The following ZBTB20 variants were observed in gnomAD, a reference collection of about 807,000 sequenced individuals.
The protein encoded by ZBTB20 is zinc finger and BTB domain-containing protein 20.
A neutral mutation model predicts 56.9 loss-of-function variants in ZBTB20; 9 were observed. The observed-to-expected ratio is 0.16, with a 90% confidence interval of 0.10 to 0.28. The LOEUF is 0.28. Ranked by LOEUF, ZBTB20 falls within the 10% of genes least tolerant of loss-of-function variation. The pLI is 1.00. For synonymous variants in ZBTB20, 417 were observed against 420.7 expected, an observed-to-expected ratio of 0.99 and a Z score of 0.11; for missense variants, 655 against 1,003.0, an observed-to-expected ratio of 0.65 and a Z score of 4.69.
At chr3:114,626,092 G>A (rs957499571) in intron 6 of ZBTB20, among the ~76,000 whole-genome samples, 3 of 152,102 alleles carry the variant, frequency 2.0e-5, no homozygotes, top group African/African-American at 7.2e-5. Context: ...AACAGACTTC[G>A]GGAACACGAG....
At chr3:114,819,719 T>G (rs537336952) in intron 4 of ZBTB20, among the ~76,000 whole-genome samples, 1 of 151,886 alleles carries the variant, frequency 6.6e-6, no homozygotes, top group Non-Finnish European at 1.5e-5. Context: ...GAATATTTAC[T>G]AAATTTCAAG....
intron 3 of ZBTB20, among the ~76,000 whole-genome samples, chr3:114,937,076 G>GT (rs1291580009): frequency 6.6e-6 from 1 of 152,152 alleles, no homozygotes; most frequent in Non-Finnish European, 1.5e-5. Flanking sequence ...TGCAATAAAC[G>GT]TATGTGTGCA....
intron 7 of ZBTB20, among the ~76,000 whole-genome samples, chr3:114,476,143 T>C (rs576811244): frequency 6.6e-6 from 1 of 152,330 alleles, no homozygotes; most frequent in Non-Finnish European, 1.5e-5. Context: ...AAATAGTTCA[T>C]ACTATTATAG....
In ZBTB20 at chr3:114,332,661, G is replaced by A. The variant is rs966888442; in HGVS notation, c.*6344C>T. 2.0e-5 allele frequency: 3 copies of A among 152,178 alleles called. No homozygotes were observed. The highest frequency in any genetic ancestry group is 7.2e-5 in the African/African-American group (3 of 41,432). The allele number at this position is 152,178 out of a possible 1,614,324, so 9.4% of individuals were successfully genotyped here. On this transcript the variant is annotated 3_prime_UTR_variant, in exon 12 of 12. Coordinates refer to ENST00000675478, the MANE Select transcript of ZBTB20 (RefSeq NM_001348800.3). The stretch of plus-strand genomic sequence containing the variant: ...ACAGCAAGAAATGCCTATAACTTCA[G>A]AGCCTTCTCATTTCTATATCTTTTA...
At chr3:114,495,010 G>A (rs915301808) in intron 7 of ZBTB20, among the ~76,000 whole-genome samples, 1 of 152,146 alleles carries the variant, frequency 6.6e-6, no homozygotes, top group African/African-American at 2.4e-5. Context: ...AGCTGAATCA[G>A]TTTTACATGA....
At chr3:114,529,701 T>C (rs1175500458) in intron 6 of ZBTB20, among the ~76,000 whole-genome samples, 1 of 152,204 alleles carries the variant, frequency 6.6e-6, no homozygotes, top group African/African-American at 2.4e-5. Flanking sequence ...CTATAATATT[T>C]AGGTAGAAGG....
At chr3:114,432,327 G>A (rs764485496) in intron 7 of ZBTB20, among the ~76,000 whole-genome samples, 1 of 152,148 alleles carries the variant, frequency 6.6e-6, no homozygotes, top group Non-Finnish European at 1.5e-5. Flanking sequence ...AAAATATTAT[G>A]TGAAAATTAA....
intron 7 of ZBTB20, among the ~76,000 whole-genome samples, chr3:114,432,046 CAG>C (rs1417682659): frequency 2.6e-5 from 4 of 151,804 alleles, no homozygotes; most frequent in Non-Finnish European, 4.4e-5. Flanking sequence ...ATACAGACAG[CAG>C]AGAGAGGGGG....
At chr3:114,818,472 C>T (rs1219935999) in intron 4 of ZBTB20, among the ~76,000 whole-genome samples, 1 of 151,928 alleles carries the variant, frequency 6.6e-6, no homozygotes, top group South Asian at 2.1e-4. Flanking sequence ...ATCTTAATCC[C>T]AATGTCTAGT....
chr3:114,768,471 C>A (rs1313276903), intron 5 of ZBTB20, among the ~76,000 whole-genome samples: 1 of 151,934 alleles, frequency 6.6e-6, no homozygotes, highest in Non-Finnish European at 1.5e-5. Context: ...AAAACCAACA[C>A]CATTTAATAT....
intron 7 of ZBTB20, among the ~76,000 whole-genome samples, chr3:114,486,052 A>AAGTGTTTT (rs1213166175): frequency 1.0e-4 from 14 of 140,190 alleles, no homozygotes; most frequent in African/African-American, 3.6e-4. Flanking sequence ...GAATACTTCA[A>AAGTGTTTT]AGTGTTTTAG....
chr3:114,396,395 A>G (rs1338514039), intron 7 of ZBTB20, among the ~76,000 whole-genome samples: 1 of 152,168 alleles, frequency 6.6e-6, no homozygotes, highest in Non-Finnish European at 1.5e-5. Flanking sequence ...CCATCACTTC[A>G]ATAGTAACTT....
chr3:114,412,211 A>G (rs1170588242), intron 7 of ZBTB20, among the ~76,000 whole-genome samples: 2 of 152,164 alleles, frequency 1.3e-5, no homozygotes, highest in Middle Eastern at 3.2e-3. Flanking sequence ...CACCATTTGC[A>G]CAAGTAATTC....
At chr3:114,799,197 C>T (rs534455796) in intron 5 of ZBTB20, among the ~76,000 whole-genome samples, 3 of 151,936 alleles carry the variant, frequency 2.0e-5, no homozygotes, top group South Asian at 2.1e-4. Flanking sequence ...TATGGCAAGA[C>T]GAACTGAGGT....
intron 6 of ZBTB20, among the ~76,000 whole-genome samples, chr3:114,511,086 C>T (rs1446100549): frequency 7.0e-6 from 1 of 143,780 alleles, no homozygotes; most frequent in Admixed American, 7.0e-5. Context: ...CTTTTATAGA[C>T]TCTGTCCACA....
chr3:115,136,106 A>G (rs929122155), intron 1 of ZBTB20, among the ~76,000 whole-genome samples: 9 of 152,110 alleles, frequency 5.9e-5, no homozygotes, highest in African/African-American at 2.2e-4. Flanking sequence ...GATTTGCTTT[A>G]CCACTGATGG....
At chr3:114,679,422 T>C (rs1479642682) in intron 6 of ZBTB20, among the ~76,000 whole-genome samples, 1 of 152,104 alleles carries the variant, frequency 6.6e-6, no homozygotes, top group Non-Finnish European at 1.5e-5. Flanking sequence ...TACAAGGAAC[T>C]TAAACAAATT....
At chr3:114,704,748 T>C (rs949059980) in intron 5 of ZBTB20, among the ~76,000 whole-genome samples, 1 of 152,096 alleles carries the variant, frequency 6.6e-6, no homozygotes. Context: ...GATACTAAGG[T>C]GAACAGCAAA....
At chr3:114,763,295 TCTTGTCAGAAAA>T (rs1266767655) in intron 5 of ZBTB20, among the ~76,000 whole-genome samples, 1 of 152,204 alleles carries the variant, frequency 6.6e-6, no homozygotes, top group Non-Finnish European at 1.5e-5. Context: ...GAAAAATGTT[TCTTGTCAGAAAA>T]CTAGTCATGG....
Sources: allele counts gnomAD v4.1 joint callset (sites outside exome capture counted in the v4.1 genomes callset), GRCh38; gene constraint gnomAD v4.1.1; transcripts MANE v1.5; gene names NCBI Gene and HGNC (gene_info 2026-07-23, HGNC 2026-07-21).